Variants in ADAM10 observed in about 807,000 individuals in gnomAD.
The protein encoded by ADAM10 is disintegrin and metalloproteinase domain-containing protein 10.
Under a neutral mutation model 90.1 loss-of-function variants are expected in ADAM10, and 17 were observed. The ratio of observed to expected loss-of-function variants is 0.19; its 90% CI spans 0.13 to 0.28. The LOEUF (loss-of-function observed/expected upper bound fraction) is 0.28. ADAM10 is among the 10% of genes least tolerant of loss of function. The pLI, the probability that ADAM10 is intolerant of heterozygous loss-of-function variation, is 1.00. For missense variants in ADAM10, 610 were observed against 914.3 expected (o/e 0.67, Z 4.29); for synonymous variants, 310 against 298.6 (o/e 1.04, Z -0.40).
intron 1 of ADAM10, among the ~76,000 whole-genome samples, chr15:58,738,493 G>A (rs74017299): frequency 0.039 from 5,980 of 152,224 alleles, 300 homozygotes; most frequent in African/African-American, 0.11. Flanking sequence ...TCATCTTCTA[G>A]AAGCAAACAG....
intron 8 of ADAM10, among the ~76,000 whole-genome samples, chr15:58,637,375 A>G (rs1482800652): frequency 6.6e-6 from 1 of 152,194 alleles, no homozygotes; most frequent in Non-Finnish European, 1.5e-5. Flanking sequence ...ACCTATAGGT[A>G]GAAACATGAA....
At chr15:58,610,228 G>T in intron 14 of ADAM10, 69 bp downstream of exon 14, 1 of 1,309,088 alleles carries the variant, frequency 7.6e-7, no homozygotes, top group Non-Finnish European at 1.1e-6. Context: ...TAACTTTGAT[G>T]ACTTCTGGCC....
chr15:58,597,619 A>G lies in ADAM10; in HGVS notation c.2175T>C (p.Pro725=). ...PLPGTLKRRR[P]PQPIQQPQRQ... is the part of the protein sequence containing the mutation. ...GCTGGGGTTGCTGAATGGGCTGTGG[A>G]GGTCTCCTCCTCTTTAAAGTGCCTG... The change falls in exon 16 of 16, where the codon CCT becomes CCC. Residue 725 remains proline (P), a synonymous_variant. Coordinates refer to ENST00000260408, the MANE Select transcript of ADAM10 (RefSeq NM_001110.4). 6.2e-7 allele frequency: 1 copy of G among 1,614,088 alleles called. No individual in the cohort carries two copies. Among genetic ancestry groups the G allele is most frequent in the Non-Finnish European group, 8.5e-7 (1 of 1,180,006 alleles).
intron 13 of ADAM10, 110 bp from the exon 14 acceptor site, chr15:58,610,627 C>A: frequency 9.5e-7 from 1 of 1,047,148 alleles, no homozygotes; most frequent in East Asian, 2.6e-5. Context: ...AAATCATTAC[C>A]ATAACATGTT....
intron 2 of ADAM10, among the ~76,000 whole-genome samples, chr15:58,714,908 G>T (rs1188856108): frequency 6.6e-6 from 1 of 152,024 alleles, no homozygotes; most frequent in Admixed American, 6.6e-5. Flanking sequence ...CATTTTGTAG[G>T]CCTATTTTCA....
intron 11 of ADAM10, among the ~76,000 whole-genome samples, chr15:58,621,091 G>T (rs1895769308): frequency 6.6e-6 from 1 of 150,878 alleles, no homozygotes; most frequent in African/African-American, 2.4e-5. Flanking sequence ...GCGTAACTCT[G>T]TCTCTAAAAA....
At chr15:58,645,846 T>A (rs957252048) in intron 6 of ADAM10, among the ~76,000 whole-genome samples, 5 of 146,470 alleles carry the variant, frequency 3.4e-5, no homozygotes, top group Non-Finnish European at 6.0e-5. Context: ...CTTCAGGAAA[T>A]CATTGTCTTA....
chr15:58,675,133 G>T lies in ADAM10; in HGVS notation c.484+3991C>A, dbSNP rs1897282294. On this transcript the variant is annotated intron_variant, in intron 4 of 15. Transcript: ENST00000260408. ...GAATCACCTGAACCCAGAAGGCGGA[G>T]GTTGCAGTGAGCTGAGATGGCACCA... 1.3e-5 allele frequency among the ~76,000 whole-genome samples: 2 copies of T among 152,230 alleles called. 1 individual carries two copies.
At chr15:58,661,252 T>G (rs1032632380) in intron 5 of ADAM10, among the ~76,000 whole-genome samples, 1 of 152,202 alleles carries the variant, frequency 6.6e-6, no homozygotes, top group Non-Finnish European at 1.5e-5. Flanking sequence ...CTATTTTATG[T>G]TCTTCACTCT....
At chr15:58,729,000 C>A (rs1899133335) in intron 1 of ADAM10, among the ~76,000 whole-genome samples, 1 of 152,122 alleles carries the variant, frequency 6.6e-6, no homozygotes, top group Non-Finnish European at 1.5e-5. Context: ...AAAACAGCAA[C>A]TAAGCCATTT....
intron 7 of ADAM10, 118 bp downstream of exon 7, chr15:58,643,768 T>C (rs1896475060): frequency 1.2e-5 from 10 of 818,962 alleles, no homozygotes; most frequent in Admixed American, 1.1e-4. Context: ...ACAGATACAA[T>C]TAAACTAAAC....
At position 58,621,594 on chromosome 15, in the gene ADAM10, C is replaced by T; in HGVS notation, c.1388G>A (p.Gly463Glu). 6.2e-7 allele frequency: 1 copy of T among 1,614,070 alleles called. No homozygotes were observed. Among genetic ancestry groups the T allele is most frequent in the Non-Finnish European group, 8.5e-7 (1 of 1,180,016 alleles). Residue 463 changes from glycine to glutamate, a missense_variant, in exon 11 of 16, where the codon GGA (glycine) becomes GAA (glutamate). Coordinates refer to ENST00000260408, the MANE Select transcript of ADAM10 (RefSeq NM_001110.4). ...VESGQPICGN[G>E]MVEQGEECDC... The stretch of plus-strand genomic sequence containing the variant: ...ACATTCTTCACCTTGTTCTACCATT[C>T]CATTTCCACAAATAGGTTGGCCAGA...
At chr15:58,665,899 A>G (rs1897071772) in intron 4 of ADAM10, among the ~76,000 whole-genome samples, 2 of 148,734 alleles carry the variant, frequency 1.3e-5, no homozygotes, top group African/African-American at 4.9e-5. Flanking sequence ...ATTCATCATC[A>G]TTCATCATTC....
At chr15:58,693,728 T>A (rs1352317469) in intron 2 of ADAM10, among the ~76,000 whole-genome samples, 1 of 143,238 alleles carries the variant, frequency 7.0e-6, no homozygotes, top group Non-Finnish European at 1.5e-5. Context: ...AAGGGCTTCT[T>A]AAAAATTCAA....
intron 11 of ADAM10, among the ~76,000 whole-genome samples, chr15:58,614,992 C>A (rs1428619435): frequency 6.6e-6 from 1 of 152,000 alleles, no homozygotes; most frequent in Non-Finnish European, 1.5e-5. Context: ...AAAACAAAAA[C>A]AGCCGGGTGC....
At chr15:58,727,198 TTTTTTTTC>T (rs1899063962) in intron 1 of ADAM10, among the ~76,000 whole-genome samples, 3 of 124,366 alleles carry the variant, frequency 2.4e-5, no homozygotes, top group Admixed American at 1.6e-4. Context: ...TTTTTTTTTT[TTTTTTTTC>T]CCAAAAACAG....
chr15:58,692,698 T>A (rs565138476), intron 2 of ADAM10: 1 of 564,958 alleles, frequency 1.8e-6, no homozygotes, highest in Non-Finnish European at 3.5e-6. Context: ...ATGGTCAACA[T>A]GTAAAGTGAA....
intron 2 of ADAM10, among the ~76,000 whole-genome samples, chr15:58,711,818 CAG>C (rs1898483637): frequency 6.6e-6 from 1 of 152,028 alleles, no homozygotes; most frequent in African/African-American, 2.4e-5. Context: ...TATATCATAA[CAG>C]ACAATCGTTT....
At chr15:58,730,587 C>A (rs7176715) in intron 1 of ADAM10, among the ~76,000 whole-genome samples, 7 of 151,868 alleles carry the variant, frequency 4.6e-5, no homozygotes, top group African/African-American at 1.7e-4. Flanking sequence ...CCTTTTTTTC[C>A]TCTACAAGAG....
Sources: allele counts gnomAD v4.1 joint callset (sites outside exome capture counted in the v4.1 genomes callset), GRCh38; gene constraint gnomAD v4.1.1; transcripts MANE v1.5; gene names NCBI Gene and HGNC (gene_info 2026-07-23, HGNC 2026-07-21).